Variants in PDILT observed in about 807,000 individuals in gnomAD.
PDILT encodes protein disulfide-isomerase-like protein of the testis.
PDILT carries 43 observed loss-of-function variants against 53.7 expected under a neutral mutation model. That is an observed-to-expected ratio of 0.80 (90% CI 0.63 to 1.03). The LOEUF (loss-of-function observed/expected upper bound fraction) is 1.03, where lower values mean the gene tolerates loss of function less well. Ranked by LOEUF, PDILT falls within the 50% of genes least tolerant of loss-of-function variation. The probability of loss-of-function intolerance (pLI) is 0.00; values close to 1 mark genes in which losing one functional copy is unlikely to be tolerated. For missense variants in PDILT, 727 were observed against 712.3 expected, an observed-to-expected ratio of 1.02 and a Z score of -0.24; for synonymous variants, 282 against 274.2, an observed-to-expected ratio of 1.03 and a Z score of -0.28.
chr16:20,389,123 T>C (rs920858838), intron 2 of PDILT, among the ~76,000 whole-genome samples: 1 of 152,118 alleles, frequency 6.6e-6, no homozygotes, highest in Non-Finnish European at 1.5e-5. Context: ...GGGCTGTAGA[T>C]AGGCAGAGGC....
Position 20,381,943 on chromosome 16 carries a change from G to A in PDILT, c.409+2702C>T, listed in dbSNP as rs189827345. ...AGACAGGATCTCACTCTGTCACCCA[G>A]GCTGAAGTGCAGTGGTGCAATCATG... On this transcript the variant is annotated intron_variant, in intron 3 of 11. Coordinates refer to ENST00000302451, the MANE Select transcript of PDILT (RefSeq NM_174924.2). Among the ~76,000 whole-genome samples, 5 of 152,246 alleles carry A rather than the reference G, an allele frequency of 3.3e-5. No individual in the cohort carries two copies. The East Asian group carries it at 9.7e-4, about 29-fold the overall frequency.
rs199569171 is a variant in PDILT at position 20,359,309 on chromosome 16, A to G, written c.*10T>C. ...GAAAATAAGCATCTTTTTTCCTGGT[A>G]TTGGAGAAGCTAAAGTTCTTCCTTG... On this transcript the variant is annotated 3_prime_UTR_variant, in exon 12 of 12. Coordinates refer to ENST00000302451, the MANE Select transcript of PDILT (RefSeq NM_174924.2). 2 of 1,611,124 alleles carry G rather than the reference A, an allele frequency of 1.2e-6. No homozygotes were observed. The highest frequency in any genetic ancestry group is 1.3e-5 in the African/African-American group (1 of 74,636).
chr16:20,370,369 A>G (rs1851881178), intron 7 of PDILT, among the ~76,000 whole-genome samples: 1 of 152,210 alleles, frequency 6.6e-6, no homozygotes, highest in Non-Finnish European at 1.5e-5. Flanking sequence ...AATGTGATAG[A>G]GAGTAACTGC....
At chr16:20,370,663 C>T (rs907559700) in intron 7 of PDILT, among the ~76,000 whole-genome samples, 4 of 152,166 alleles carry the variant, frequency 2.6e-5, no homozygotes, top group African/African-American at 4.8e-5. Flanking sequence ...CTGAGACCTA[C>T]GGGGCTCCTT....
chr16:20,359,235 A>G lies in PDILT; in HGVS notation c.*84T>C, dbSNP rs1172204826. The stretch of plus-strand genomic sequence containing the variant: ...GCCCCACCTACCCTACCACAATGAT[A>G]TATGCTTTTATTGGAATCAATCCAT... On this transcript the variant is annotated 3_prime_UTR_variant, in exon 12 of 12. Transcript: ENST00000302451. The G allele has an allele frequency of 6.4e-7, 1 of 1,565,904 alleles. No individual in the cohort carries two copies. Among genetic ancestry groups the G allele is most frequent in the East Asian group, 2.2e-5 (1 of 44,626 alleles).
chr16:20,393,525 A>G (rs1596597061), intron 2 of PDILT, among the ~76,000 whole-genome samples: 1 of 152,214 alleles, frequency 6.6e-6, no homozygotes, highest in Admixed American at 6.5e-5. Context: ...AAAGAAGGTG[A>G]TTCATGCTTC....
At chr16:20,365,345 C>A in intron 9 of PDILT, 75 bp downstream of exon 9, 1 of 1,551,750 alleles carries the variant, frequency 6.4e-7, no homozygotes, top group South Asian at 1.2e-5. Context: ...ATTTCAGTGC[C>A]CAACAATTCA....
At chr16:20,397,303 C>CAAAA (rs1204976945) in intron 2 of PDILT, among the ~76,000 whole-genome samples, 1 of 151,970 alleles carries the variant, frequency 6.6e-6, no homozygotes, top group Non-Finnish European at 1.5e-5. Context: ...TCCTAGCCAA[C>CAAAA]TTTTGTATTT....
chr16:20,365,962 C>T (rs1189420445), intron 8 of PDILT, among the ~76,000 whole-genome samples: 1 of 151,840 alleles, frequency 6.6e-6, no homozygotes, highest in African/African-American at 2.4e-5. Flanking sequence ...TGGTGGCATG[C>T]ACCTGTAATC....
In PDILT at chr16:20,399,127, G is replaced by T. The variant is rs1181603124; in HGVS notation, c.174C>A (p.Asn58Lys). The stretch of plus-strand genomic sequence containing the variant: ...AAAGCACCATGAGGAAGCGGGTCTG[G>T]TTCAGCATCTGGGTCAGGCCAGCGG... ...LTPAGLTQML[N>K]QTRFLMVLFH... Residue 58 changes from asparagine (N) to lysine (K), a missense_variant, in exon 2 of 12, where the codon AAC becomes AAA. Asn to Lys is a moderately conservative substitution (Grantham distance 94). Coordinates refer to ENST00000302451, the MANE Select transcript of PDILT (RefSeq NM_174924.2). The T allele has an allele frequency of 1.2e-6, 2 of 1,614,198 alleles. No individual in the cohort carries two copies.
chr16:20,366,048 C>T lies in PDILT; in HGVS notation c.1117-508G>A, dbSNP rs560344527. The stretch of plus-strand genomic sequence containing the variant: ...GAGGTTGCAGTGAGCAGAGATTGCG[C>T]TACTGCACACCAGGCTGGTTGACAG... On this transcript the variant is annotated intron_variant, in intron 8 of 11. Transcript: ENST00000302451. Among the ~76,000 whole-genome samples the T allele has an allele frequency of 8.1e-5, 12 of 147,760 alleles. No homozygotes were observed. In the East Asian group the frequency reaches 1.6e-3, roughly 20 times the overall value.
At chr16:20,378,674 T>C (rs1966419896) in intron 3 of PDILT, among the ~76,000 whole-genome samples, 1 of 152,162 alleles carries the variant, frequency 6.6e-6, no homozygotes, top group South Asian at 2.1e-4. Context: ...TGTGTTCTCA[T>C]TGTTCAACTC....
chr16:20,368,820 G>A (rs1966257757), intron 8 of PDILT, among the ~76,000 whole-genome samples: 1 of 152,092 alleles, frequency 6.6e-6, no homozygotes, highest in African/African-American at 2.4e-5. Flanking sequence ...CTGGGCTCAA[G>A]TGATCCTCTC....
rs532102684 is a variant in PDILT, at chr16:20,367,250, G to A, written c.1117-1710C>T. On this transcript the variant is annotated intron_variant, in intron 8 of 11. Transcript: ENST00000302451. ...CCTGAGTAGCTGGGACTACAGGTGCGTGCCACCACACCCGGCTAATGTTTT... is the reference window on the plus strand; with the variant it reads ...CCTGAGTAGCTGGGACTACAGGTGCATGCCACCACACCCGGCTAATGTTTT... 1.4e-3 allele frequency among the ~76,000 whole-genome samples: 219 copies of A among 151,902 alleles called. 1 individual carries two copies. Among genetic ancestry groups the A allele is most frequent in the Middle Eastern group, 0.014 (4 of 294 alleles).
At chr16:20,390,332 GC>G in intron 2 of PDILT, among the ~76,000 whole-genome samples, 1 of 152,054 alleles carries the variant, frequency 6.6e-6, no homozygotes, top group African/African-American at 2.4e-5. Context: ...TATATCTTTA[GC>G]CAAATGGGCA....
chr16:20,360,463 T>C (rs974356368), intron 11 of PDILT, 105 bp downstream of exon 11: 137 of 1,066,148 alleles, frequency 1.3e-4, no homozygotes, highest in Non-Finnish European at 8.3e-5. Context: ...TCCTCAACCA[T>C]CTCCCAAGAT....
In PDILT at chr16:20,399,086, T is replaced by C. The variant is rs1659767251; in HGVS notation, c.202+13A>G. The C allele has an allele frequency of 6.2e-7, 1 of 1,614,050 alleles. No homozygotes were observed. Among genetic ancestry groups the C allele is most frequent in the Admixed American group, 1.7e-5 (1 of 60,014 alleles). ...CCCATCTATCATCCATCACCCAGGA[T>C]GGGGGCACTCACGGAAAAGCACCAT... On this transcript the variant is annotated intron_variant, in intron 2 of 11. Coordinates refer to ENST00000302451, the MANE Select transcript of PDILT (RefSeq NM_174924.2).
intron 3 of PDILT, among the ~76,000 whole-genome samples, chr16:20,381,528 C>T (rs1000883068): frequency 6.0e-5 from 9 of 150,328 alleles, no homozygotes; most frequent in South Asian, 2.1e-4. Context: ...CCCAGCTACT[C>T]GGGAGGCTAA....
chr16:20,369,175 A>T (rs1370655483), intron 8 of PDILT, among the ~76,000 whole-genome samples: 1 of 152,204 alleles, frequency 6.6e-6, no homozygotes, highest in Non-Finnish European at 1.5e-5. Flanking sequence ...TTCACATTGG[A>T]GGTGATAGGA....
Sources: allele counts gnomAD v4.1 joint callset (sites outside exome capture counted in the v4.1 genomes callset), GRCh38; gene constraint gnomAD v4.1.1; transcripts MANE v1.5; gene names NCBI Gene and HGNC (gene_info 2026-07-23, HGNC 2026-07-21).